The following ADGRL3 variants were observed in gnomAD, a reference collection of about 807,000 sequenced individuals.
ADGRL3 encodes adhesion G protein-coupled receptor L3.
Under a neutral mutation model 153.5 loss-of-function variants are expected in ADGRL3, and 62 were observed. That is an observed-to-expected ratio of 0.40 (90% CI 0.33 to 0.50). The LOEUF is 0.50. Among genes scored for constraint, ADGRL3 ranks in the 20% least tolerant of loss-of-function variants. ADGRL3 has a pLI of 0.47. For missense variants in ADGRL3, 1,641 were observed against 1,859.4 expected, an observed-to-expected ratio of 0.88 and a Z score of 2.16; for synonymous variants, 710 against 672.5, an observed-to-expected ratio of 1.06 and a Z score of -0.86.
intron 6 of ADGRL3, among the ~76,000 whole-genome samples, chr4:61,683,112 G>GTTTT (rs1246001725): frequency 2.8e-5 from 2 of 70,652 alleles, no homozygotes; most frequent in African/African-American, 8.6e-5. Flanking sequence ...TTCAAGAGCT[G>GTTTT]TATTTTTTTT....
intron 17 of ADGRL3, among the ~76,000 whole-genome samples, chr4:61,950,463 G>A (rs1445940323): frequency 1.3e-5 from 2 of 152,154 alleles, no homozygotes; most frequent in East Asian, 3.9e-4. Flanking sequence ...AAAACATAAA[G>A]ATATTATATA....
intron 4 of ADGRL3, among the ~76,000 whole-genome samples, chr4:61,564,223 G>A (rs1293210529): frequency 6.6e-6 from 1 of 151,930 alleles, no homozygotes; most frequent in Admixed American, 6.6e-5. Context: ...CAATAAGGCT[G>A]TTTTGCTTTC....
chr4:61,746,182 C>T (rs56737906), intron 8 of ADGRL3, among the ~76,000 whole-genome samples: 13,179 of 152,044 alleles, frequency 0.087, 1,210 homozygotes, highest in African/African-American at 0.23. Flanking sequence ...ATGCACCCAA[C>T]ACAGGAGCAC....
At position 61,801,283 on chromosome 4, in the gene ADGRL3, T is replaced by C. The variant is rs1282160122; in HGVS notation, c.1400-12526T>C. On this transcript the variant is annotated intron_variant, in intron 8 of 26. Transcript: ENST00000683033. ...GGTAGGTATATGTGATTTTTTTTTC[T>C]TGAGATATTAATACAATTTCTAGGA... Among the ~76,000 whole-genome samples, 6 of 152,096 alleles carry C rather than the reference T, an allele frequency of 3.9e-5. No homozygotes were observed. In the South Asian group the frequency reaches 6.2e-4, roughly 16 times the overall value.
At chr4:61,541,402 T>C (rs1448650188) in intron 4 of ADGRL3, among the ~76,000 whole-genome samples, 1 of 147,794 alleles carries the variant, frequency 6.8e-6, no homozygotes. Context: ...TGTAGTTGAC[T>C]CTTTTAGCCA....
chr4:61,983,342 TGTG>T (rs770001692), intron 18 of ADGRL3, 38 bp from the exon 19 acceptor site: 1 of 1,510,890 alleles, frequency 6.6e-7, no homozygotes, highest in Admixed American at 1.7e-5. Flanking sequence ...TAGTATCCCA[TGTG>T]GTAGAGATTT....
intron 10 of ADGRL3, among the ~76,000 whole-genome samples, chr4:61,895,221 A>T (rs967658523): frequency 6.6e-6 from 1 of 152,144 alleles, no homozygotes; most frequent in African/African-American, 2.4e-5. Flanking sequence ...TAATCCCAGC[A>T]CTTTGCGAGG....
intron 2 of ADGRL3, among the ~76,000 whole-genome samples, chr4:61,429,553 T>A (rs1441152782): frequency 6.6e-6 from 1 of 152,112 alleles, no homozygotes; most frequent in African/African-American, 2.4e-5. Context: ...TAGCTTAGAC[T>A]TGGAGGAAAA....
intron 15 of ADGRL3, among the ~76,000 whole-genome samples, chr4:61,939,815 A>C (rs1412024170): frequency 6.6e-6 from 1 of 152,158 alleles, no homozygotes; most frequent in Non-Finnish European, 1.5e-5. Context: ...CATACAGTGT[A>C]TACCATTTGC....
At chr4:61,799,980 T>G (rs898209177) in intron 8 of ADGRL3, among the ~76,000 whole-genome samples, 3 of 152,204 alleles carry the variant, frequency 2.0e-5, no homozygotes, top group Non-Finnish European at 4.4e-5. Context: ...ACAGAGTTCA[T>G]GGGTTATGTA....
intron 5 of ADGRL3, among the ~76,000 whole-genome samples, chr4:61,588,631 A>T (rs957346754): frequency 5.3e-5 from 8 of 151,960 alleles, no homozygotes; most frequent in African/African-American, 1.9e-4. Flanking sequence ...AAGAAATAAG[A>T]TATTAAAATT....
In ADGRL3 at chr4:61,787,715, A is replaced by C. The variant is rs958042374; in HGVS notation, c.1400-26094A>C. Among the ~76,000 whole-genome samples the C allele has an allele frequency of 5.9e-5, 9 of 152,152 alleles. No homozygotes were observed. In the South Asian group the frequency reaches 6.2e-4, roughly 11 times the overall value. On this transcript the variant is annotated intron_variant, in intron 8 of 26. Transcript: ENST00000683033. Reference sequence around the variant, plus strand: ...ATTTCCAAAATAGTTTTTCATTATTAAAAAATAAAATATTATTTTTATACA... The same window carrying C: ...ATTTCCAAAATAGTTTTTCATTATTCAAAAATAAAATATTATTTTTATACA...
At chr4:61,464,197 A>G (rs188326387) in intron 2 of ADGRL3, among the ~76,000 whole-genome samples, 91 of 152,342 alleles carry the variant, frequency 6.0e-4, no homozygotes, top group African/African-American at 2.1e-3. Flanking sequence ...ATGGAAAAGT[A>G]GCGTTATCCT....
At chr4:61,619,612 C>G (rs1258689448) in intron 5 of ADGRL3, among the ~76,000 whole-genome samples, 1 of 151,966 alleles carries the variant, frequency 6.6e-6, no homozygotes, top group Non-Finnish European at 1.5e-5. Context: ...TTACAGCAAC[C>G]TTTATGATAT....
intron 2 of ADGRL3, among the ~76,000 whole-genome samples, chr4:61,471,587 T>C (rs2097954525): frequency 6.6e-6 from 1 of 151,920 alleles, no homozygotes; most frequent in Non-Finnish European, 1.5e-5. Context: ...ATCTTTTAAG[T>C]GTCTTCTGAG....
intron 2 of ADGRL3, among the ~76,000 whole-genome samples, chr4:61,456,429 C>CTATA (rs779293435): frequency 1.2e-4 from 4 of 34,266 alleles, no homozygotes; most frequent in East Asian, 2.4e-3. Context: ...ATATCTATAT[C>CTATA]TATATATATA....
chr4:61,469,295 C>G (rs1324425185), intron 2 of ADGRL3, among the ~76,000 whole-genome samples: 1 of 152,038 alleles, frequency 6.6e-6, no homozygotes, highest in Admixed American at 6.6e-5. Flanking sequence ...GTAAAGTCAA[C>G]TGATAATAAC....
intron 1 of ADGRL3, among the ~76,000 whole-genome samples, chr4:61,294,789 T>C (rs1450662608): frequency 6.6e-6 from 1 of 152,002 alleles, no homozygotes. Flanking sequence ...TGTGGAACTG[T>C]TATTTGGATC....
chr4:61,769,295 G>A (rs142179778), intron 8 of ADGRL3, among the ~76,000 whole-genome samples: 79,704 of 151,270 alleles, frequency 0.53, 21,656 homozygotes, highest in East Asian at 0.68. Context: ...TTGAAATTAA[G>A]AGAAGGGAGA....
Sources: allele counts gnomAD v4.1 joint callset (sites outside exome capture counted in the v4.1 genomes callset), GRCh38; gene constraint gnomAD v4.1.1; transcripts MANE v1.5; gene names NCBI Gene and HGNC (gene_info 2026-07-23, HGNC 2026-07-21).